Variants in TYW5 observed in about 807,000 individuals in gnomAD.
TYW5 encodes tRNA-yW synthesizing protein 5, also known as tRNA wybutosine-synthesizing protein 5.
In TYW5, 36 loss-of-function variants were observed where a neutral mutation model predicts 44.4. The observed-to-expected ratio is 0.81, with a 90% CI of 0.62 to 1.07. The LOEUF is 1.07. TYW5 is among the 50% of genes least tolerant of loss of function. TYW5 has a pLI of 0.00. For missense variants in TYW5, 354 were observed against 365.7 expected (o/e 0.97, Z 0.26); for synonymous variants, 121 against 128.1 (o/e 0.94, Z 0.37).
At chr2:199,933,977 T>G (rs2077400484) in intron 7 of TYW5, among the ~76,000 whole-genome samples, 2 of 152,196 alleles carry the variant, frequency 1.3e-5, no homozygotes, top group South Asian at 2.1e-4. Flanking sequence ...TTCCTTTTAT[T>G]GGGAAATTTA....
rs758927768 is a variant in TYW5, at chr2:199,948,391, C to T, written c.160G>A (p.Gly54Arg). The T allele has an allele frequency of 2.5e-6, 4 of 1,614,156 alleles. No homozygotes were observed. The South Asian group carries it at 3.3e-5, about 13-fold the overall frequency. Residue 54 changes from glycine (G) to arginine (R), a missense_variant, in exon 2 of 8, where the codon GGG (glycine) becomes AGG (arginine). Coordinates refer to ENST00000354611, the MANE Select transcript of TYW5 (RefSeq NM_001039693.3). ...ACATGAATCTTTACTTCTTTCTTCCCTCCAACTTGGCTTAGGTAATCCACT... is the reference window on the plus strand; with the variant it reads ...ACATGAATCTTTACTTCTTTCTTCCTTCCAACTTGGCTTAGGTAATCCACT... The part of the protein sequence containing the change: ...WTVDYLSQVG[G>R]KKEVKIHVAA...
At chr2:199,952,510 CA>C (rs1225402453) in intron 1 of TYW5, among the ~76,000 whole-genome samples, 1 of 152,092 alleles carries the variant, frequency 6.6e-6, no homozygotes, top group African/African-American at 2.4e-5. Context: ...ATTTTTCTAC[CA>C]GATTTTCAGC....
chr2:199,941,713 A>C (rs1319945751), intron 3 of TYW5, among the ~76,000 whole-genome samples: 2 of 152,208 alleles, frequency 1.3e-5, no homozygotes. Context: ...CCAGACACAG[A>C]AGTGCACTGC....
chr2:199,949,708 G>A (rs549933338), intron 1 of TYW5, among the ~76,000 whole-genome samples: 18 of 152,212 alleles, frequency 1.2e-4, no homozygotes, highest in African/African-American at 3.6e-4. Context: ...GAATGGTGTC[G>A]CCTTCTCAGC....
intron 2 of TYW5, 131 bp from the exon 3 acceptor site, chr2:199,943,965 AT>A (rs1037978424): frequency 1.7e-6 from 1 of 587,574 alleles, no homozygotes; most frequent in African/African-American, 1.9e-5. Context: ...AATTTTTATT[AT>A]AACCTATTAT....
chr2:199,929,547 T>G lies in TYW5; in HGVS notation c.*3520A>C, dbSNP rs2077357331. Among the ~76,000 whole-genome samples, 1 of 125,848 alleles carries G rather than the reference T, an allele frequency of 7.9e-6. No homozygotes were observed. The highest frequency in any genetic ancestry group is 1.6e-5 in the Non-Finnish European group (1 of 61,602). The allele number at this position is 125,848 out of a possible 152,430, so 82.6% of individuals were successfully genotyped here. A position where few individuals can be genotyped will look rare whatever the true frequency, so the allele number is the denominator to read the frequency against. ...ATTCCATCCAGGCCTGCCTTCCAGC[T>G]TCCTGCATTTTTTTTTTTTTTTTTT... On this transcript the variant is annotated 3_prime_UTR_variant, in exon 8 of 8. Coordinates refer to ENST00000354611, the MANE Select transcript of TYW5 (RefSeq NM_001039693.3).
intron 3 of TYW5, chr2:199,941,983 T>G (rs1213369181): frequency 1.3e-5 from 2 of 152,284 alleles, no homozygotes; most frequent in African/African-American, 4.8e-5. Context: ...TCTACATGTC[T>G]TCCCCTATCC....
chr2:199,933,904 T>G (rs898369845), intron 7 of TYW5, among the ~76,000 whole-genome samples: 7 of 152,164 alleles, frequency 4.6e-5, no homozygotes, highest in African/African-American at 1.7e-4. Flanking sequence ...TATACAAAAC[T>G]ACAGCAAATA....
chr2:199,950,516 C>T (rs2077536314), intron 1 of TYW5, among the ~76,000 whole-genome samples: 1 of 152,134 alleles, frequency 6.6e-6, no homozygotes, highest in East Asian at 1.9e-4. Flanking sequence ...AGAGTTTTTG[C>T]ATTCTCCTCA....
chr2:199,943,048 G>T (rs1353332411), intron 3 of TYW5: 2 of 152,096 alleles, frequency 1.3e-5, no homozygotes, highest in Non-Finnish European at 2.9e-5. Context: ...TAGAGACTGG[G>T]TTTCTCCATG....
intron 3 of TYW5, among the ~76,000 whole-genome samples, chr2:199,940,538 G>A (rs2077455503): frequency 6.6e-6 from 1 of 151,926 alleles, no homozygotes; most frequent in South Asian, 2.1e-4. Flanking sequence ...AGCTACTTGG[G>A]AGGCTGAGGC....
chr2:199,936,565 C>CT, intron 5 of TYW5, 73 bp from the exon 6 acceptor site: 4 of 1,253,954 alleles, frequency 3.2e-6, no homozygotes, highest in Admixed American at 1.8e-5. Flanking sequence ...GCATGCTAAA[C>CT]TTTAACTGCA....
chr2:199,936,365 A>G (rs1407209836), intron 6 of TYW5, 40 bp downstream of exon 6: 1 of 1,523,918 alleles, frequency 6.6e-7, no homozygotes, highest in Non-Finnish European at 9.0e-7. Flanking sequence ...AGAGTAACTG[A>G]ATAGACTTTT....
At chr2:199,934,256 A>G (rs1033439488) in intron 7 of TYW5, among the ~76,000 whole-genome samples, 7 of 152,002 alleles carry the variant, frequency 4.6e-5, no homozygotes, top group African/African-American at 1.7e-4. Context: ...CTTATTCAAT[A>G]TAATAGGAAG....
Position 199,929,166 on chromosome 2 carries a change from A to ATT in TYW5, c.*3900_*3901insAA, listed in dbSNP as rs2077351705. On this transcript the variant is annotated 3_prime_UTR_variant, in exon 8 of 8. Transcript: ENST00000354611. ...TCATTTTAGTATTCTGTTTAATGGA[A>ATT]CTTAGAAAGAGACTACATCGTGGGG... 6.7e-6 allele frequency among the ~76,000 whole-genome samples: 1 copy of ATT among 148,754 alleles called. No individual in the cohort carries two copies. The highest frequency in any genetic ancestry group is 1.5e-5 in the Non-Finnish European group (1 of 67,156).
Position 199,936,466 on chromosome 2 carries a change from C to T in TYW5, c.513G>A (p.Val171=). ...YDVMDNLLIQ[V]TGKKRVVLFS... is the part of the protein sequence containing the mutation. ...AGAGTACAACACGCTTTTTTCCTGT[C>T]ACTTGTATTAACAAATTATCCATTA... The change falls in exon 6 of 8, where the codon GTG becomes GTA. Residue 171 remains valine (V), a synonymous_variant. Transcript: ENST00000354611. 1 of 1,613,058 alleles carries T rather than the reference C, an allele frequency of 6.2e-7. No individual in the cohort carries two copies. The highest frequency in any genetic ancestry group is 8.5e-7 in the Non-Finnish European group (1 of 1,179,604).
chr2:199,941,809 T>C (rs2077466922), intron 3 of TYW5, among the ~76,000 whole-genome samples: 1 of 152,192 alleles, frequency 6.6e-6, no homozygotes, highest in Non-Finnish European at 1.5e-5. Flanking sequence ...CTTCTTCAGG[T>C]CCACCTCAGG....
chr2:199,935,536 C>T (rs1026133732), intron 7 of TYW5, among the ~76,000 whole-genome samples: 9 of 149,802 alleles, frequency 6.0e-5, no homozygotes, highest in African/African-American at 2.2e-4. Flanking sequence ...TTTGTCGAGA[C>T]GGGGTCTCGC....
In TYW5 at chr2:199,932,505, T is replaced by A. The variant is rs1033145072; in HGVS notation, c.*562A>T. 1 of 154,178 alleles carries A rather than the reference T, an allele frequency of 6.5e-6. No individual in the cohort carries two copies. The highest frequency in any genetic ancestry group is 1.4e-5 in the Non-Finnish European group (1 of 69,372). The allele number at this position is 154,178 out of a possible 1,614,324, so 9.6% of individuals were successfully genotyped here. On this transcript the variant is annotated 3_prime_UTR_variant, in exon 8 of 8. Transcript: ENST00000354611. ...GGCTCAGGGATGGACAGGTCTAAGT[T>A]ACTTTAGAGCAATGAGACCTAAGGA...
Sources: allele counts gnomAD v4.1 joint callset (sites outside exome capture counted in the v4.1 genomes callset), GRCh38; gene constraint gnomAD v4.1.1; transcripts MANE v1.5; gene names NCBI Gene and HGNC (gene_info 2026-07-23, HGNC 2026-07-21).